Variants in PKN2 observed in about 807,000 individuals in gnomAD.
PKN2 encodes the protein protein kinase N2.
In PKN2, 38 loss-of-function variants were observed where a neutral mutation model predicts 119.1. The observed-to-expected ratio is 0.32, with a 90% CI of 0.25 to 0.42. PKN2 has a LOEUF of 0.42. PKN2 is among the 10% of genes least tolerant of loss of function. PKN2 has a pLI of 1.00. For synonymous variants in PKN2, 390 were observed against 384.9 expected, an observed-to-expected ratio of 1.01 and a Z score of -0.15; for missense variants, 850 against 1,165.1, an observed-to-expected ratio of 0.73 and a Z score of 3.94.
chr1:88,747,470 T>C (rs1485318351), intron 2 of PKN2, among the ~76,000 whole-genome samples: 2 of 152,148 alleles, frequency 1.3e-5, no homozygotes, highest in Non-Finnish European at 2.9e-5. Flanking sequence ...TAAATGTACC[T>C]TATGAAAAAA....
intron 8 of PKN2, among the ~76,000 whole-genome samples, chr1:88,798,521 A>C (rs1320235482): frequency 6.6e-6 from 1 of 152,194 alleles, no homozygotes; most frequent in African/African-American, 2.4e-5. Context: ...AGAACTAAAA[A>C]ATAGGAAATA....
At chr1:88,821,781 T>C (rs1384331710) in intron 16 of PKN2, among the ~76,000 whole-genome samples, 160 bp from the exon 17 acceptor site, 2 of 152,206 alleles carry the variant, frequency 1.3e-5, no homozygotes, top group Non-Finnish European at 2.9e-5. Flanking sequence ...ATTTTTAAAT[T>C]TTACCCCTAA....
At chr1:88,804,957 A>G in intron 10 of PKN2, 36 bp downstream of exon 10, 1 of 989,380 alleles carries the variant, frequency 1.0e-6, no homozygotes, top group Non-Finnish European at 1.6e-6. Flanking sequence ...GCATTTTGAT[A>G]TTTTCTTAAA....
chr1:88,735,923 TC>T (rs1352700543), intron 1 of PKN2, among the ~76,000 whole-genome samples: 1 of 152,150 alleles, frequency 6.6e-6, no homozygotes, highest in Non-Finnish European at 1.5e-5. Flanking sequence ...TAAGCTTTCT[TC>T]CCATTTGTCA....
At chr1:88,734,632 C>T (rs1235478938) in intron 1 of PKN2, among the ~76,000 whole-genome samples, 3 of 152,060 alleles carry the variant, frequency 2.0e-5, no homozygotes, top group African/African-American at 7.2e-5. Context: ...AGTATGATGC[C>T]TCCAGCTTTG....
At chr1:88,737,298 T>A (rs1386569008) in intron 1 of PKN2, among the ~76,000 whole-genome samples, 1 of 152,200 alleles carries the variant, frequency 6.6e-6, no homozygotes, top group Non-Finnish European at 1.5e-5. Context: ...GCCATGTCTC[T>A]CTGCCTGACA....
At chr1:88,754,947 A>G (rs1170424141) in intron 2 of PKN2, among the ~76,000 whole-genome samples, 1 of 152,162 alleles carries the variant, frequency 6.6e-6, no homozygotes, top group Non-Finnish European at 1.5e-5. Context: ...ATTTCTTATA[A>G]TACCCCCGAA....
intron 1 of PKN2, among the ~76,000 whole-genome samples, chr1:88,725,442 A>G (rs1053114590): frequency 2.6e-5 from 4 of 152,140 alleles, no homozygotes; most frequent in African/African-American, 9.7e-5. Flanking sequence ...TTAGCCATTT[A>G]AATAGGTGTT....
chr1:88,796,428 A>G (rs1671068939), intron 8 of PKN2, among the ~76,000 whole-genome samples: 1 of 152,168 alleles, frequency 6.6e-6, no homozygotes, highest in South Asian at 2.1e-4. Flanking sequence ...AAGTCATGCT[A>G]AGCTCCTCAT....
chr1:88,684,763 C>T (rs951323723), intron 1 of PKN2, 135 bp downstream of exon 1: 26 of 707,880 alleles, frequency 3.7e-5, no homozygotes, highest in Non-Finnish European at 5.0e-5. Context: ...CGGGATGTCA[C>T]TCGGGAAATG....
At chr1:88,809,468 C>A (rs1391155998) in intron 15 of PKN2, among the ~76,000 whole-genome samples, 1 of 152,138 alleles carries the variant, frequency 6.6e-6, no homozygotes, top group Non-Finnish European at 1.5e-5. Flanking sequence ...CTGTTTACTA[C>A]TTCTATTAAT....
intron 1 of PKN2, among the ~76,000 whole-genome samples, chr1:88,738,023 GGA>G (rs1668424698): frequency 1.3e-5 from 2 of 152,108 alleles, no homozygotes; most frequent in African/African-American, 2.4e-5. Flanking sequence ...GTCAATCGCT[GGA>G]GAGTCTTATT....
chr1:88,751,990 T>TCTA (rs1669019760), intron 2 of PKN2, among the ~76,000 whole-genome samples: 1 of 152,158 alleles, frequency 6.6e-6, no homozygotes, highest in African/African-American at 2.4e-5. Flanking sequence ...TTCAGTGTTC[T>TCTA]GGACTTGGAG....
intron 8 of PKN2, among the ~76,000 whole-genome samples, chr1:88,794,226 G>A (rs981994045): frequency 3.9e-5 from 6 of 152,070 alleles, no homozygotes. Flanking sequence ...AATTAGCCAG[G>A]CATGGTGGCA....
intron 1 of PKN2, among the ~76,000 whole-genome samples, chr1:88,728,785 T>C (rs926682492): frequency 2.6e-5 from 4 of 152,130 alleles, no homozygotes; most frequent in African/African-American, 9.7e-5. Flanking sequence ...TTTTGATAGA[T>C]TCAAGTTGGA....
chr1:88,728,572 A>T (rs896693858), intron 1 of PKN2, among the ~76,000 whole-genome samples: 6 of 152,102 alleles, frequency 3.9e-5, no homozygotes, highest in African/African-American at 1.4e-4. Context: ...ATTTACAGAA[A>T]AATAGATAAC....
chr1:88,691,174 C>T (rs1253330158), intron 1 of PKN2, among the ~76,000 whole-genome samples: 1 of 151,964 alleles, frequency 6.6e-6, no homozygotes, highest in Non-Finnish European at 1.5e-5. Flanking sequence ...AGTGATTCGC[C>T]CATCTCAGCC....
At chr1:88,788,114 C>T (rs1056051322) in intron 8 of PKN2, among the ~76,000 whole-genome samples, 9 of 152,134 alleles carry the variant, frequency 5.9e-5, no homozygotes, top group Non-Finnish European at 8.8e-5. Flanking sequence ...CTATGGCATT[C>T]GGGAACTAAG....
chr1:88,816,740 C>T (rs1227371341), intron 16 of PKN2: 2 of 152,106 alleles, frequency 1.3e-5, no homozygotes, highest in Non-Finnish European at 1.5e-5. Flanking sequence ...TGACCACCAC[C>T]CCTGCAGCAC....
Sources: gnomAD v4.1 joint callset for allele counts (sites outside exome capture counted in the v4.1 genomes callset) on GRCh38, gnomAD v4.1.1 for gene constraint, MANE v1.5 for transcripts, NCBI Gene and HGNC (gene_info 2026-07-23, HGNC 2026-07-21) for gene names.